ZFYVE26: variants seen among roughly 807,000 people sequenced by gnomAD.
The protein encoded by ZFYVE26 is zinc finger FYVE-type containing 26, also known as zinc finger FYVE domain-containing protein 26.
In ZFYVE26, 181 loss-of-function variants were observed where a neutral mutation model predicts 276.5. The observed-to-expected ratio is 0.65, with a 90% confidence interval of 0.58 to 0.74. ZFYVE26 has a LOEUF of 0.74. ZFYVE26 is among the 30% of genes least tolerant of loss of function. The pLI, the probability that ZFYVE26 is intolerant of heterozygous loss-of-function variation, is 0.00. For synonymous variants in ZFYVE26, 1,129 were observed against 1,203.1 expected (o/e 0.94, Z 1.27); for missense variants, 2,821 against 3,097.9 (o/e 0.91, Z 2.12).
At chr14:67,758,939 T>C (rs1270676957) in intron 35 of ZFYVE26, among the ~76,000 whole-genome samples, 1 of 152,086 alleles carries the variant, frequency 6.6e-6, no homozygotes, top group Non-Finnish European at 1.5e-5. Context: ...CCAACAAATA[T>C]GAATTTTTTA....
chr14:67,733,899 A>G (rs1220709975), intron 13 of ZFYVE26: 1 of 1,391,962 alleles, frequency 7.2e-7, no homozygotes, highest in Middle Eastern at 1.8e-4. Context: ...CATAATGAAC[A>G]GGGACCAAGG....
At chr14:67,810,726 A>G (rs2040282504) in intron 3 of ZFYVE26, among the ~76,000 whole-genome samples, 1 of 152,202 alleles carries the variant, frequency 6.6e-6, no homozygotes, top group Non-Finnish European at 1.5e-5. Context: ...TTTTCCAGAC[A>G]CAAATAAAAA....
chr14:67,810,875 A>AGTGT lies in ZFYVE26; in HGVS notation c.274-1590_274-1587dup, dbSNP rs139434942. Among the ~76,000 whole-genome samples, 546 of 151,706 alleles carry AGTGT rather than the reference A, an allele frequency of 3.6e-3. 2 individuals are homozygous for AGTGT. Among genetic ancestry groups the AGTGT allele is most frequent in the African/African-American group, 0.012 (496 of 41,406 alleles). On this transcript the variant is annotated intron_variant, in intron 3 of 41. Coordinates refer to ENST00000347230, the MANE Select transcript of ZFYVE26 (RefSeq NM_015346.4). The stretch of plus-strand genomic sequence containing the variant: ...ACCTGCAGGGATGTGTGTGTGTGAG[A>AGTGT]GTGTGTGTGTGTGTACAGCTGCAGG...
intron 23 of ZFYVE26, among the ~76,000 whole-genome samples, chr14:67,779,827 T>A (rs1370762722): frequency 6.6e-6 from 1 of 152,184 alleles, no homozygotes; most frequent in Non-Finnish European, 1.5e-5. Flanking sequence ...TCTATACTTA[T>A]CTGGATTTTG....
In ZFYVE26 at chr14:67,755,208, G is replaced by T. The variant is rs777904990; in HGVS notation, c.6829C>A (p.His2277Asn). The T allele has an allele frequency of 5.0e-6, 8 of 1,614,184 alleles. No individual in the cohort carries two copies. Among genetic ancestry groups the T allele is most frequent in the Non-Finnish European group, 5.9e-6 (7 of 1,180,048 alleles). The change falls in exon 37 of 42, where the codon CAC becomes AAC. Residue 2277 changes from histidine to asparagine, a missense_variant. Physicochemically the swap from His to Asn is moderately conservative, Grantham distance 68 (BLOSUM62 1). Coordinates refer to ENST00000347230, the MANE Select transcript of ZFYVE26 (RefSeq NM_015346.4). ...AGTTCTGTATATGACTTTGCTTTGTGACTGAAGAACCGAATACAGGTCATG... is the reference window on the plus strand; with the variant it reads ...AGTTCTGTATATGACTTTGCTTTGTTACTGAAGAACCGAATACAGGTCATG... ...AAMTCIRFFS[H>N]KAKSYTELGE...
chr14:67,789,451 C>A lies in ZFYVE26; in HGVS notation c.2903G>T (p.Ser968Ile), dbSNP rs1269414232. 1.2e-6 allele frequency: 2 copies of A among 1,614,074 alleles called. No homozygotes were observed. The highest frequency in any genetic ancestry group is 1.7e-6 in the Non-Finnish European group (2 of 1,180,038). Residue 968 changes from serine to isoleucine, a missense_variant, in exon 16 of 42, where the codon AGT (serine) becomes ATT (isoleucine). By Grantham distance (142) the Ser-to-Ile change is moderately radical. Transcript: ENST00000347230. ...GTCAAATGCAGCCATGGCAGGGGGA[C>A]TGAGGTCTTCCAGAACCTCTCTCAG... Reference protein sequence around the residue: ...APLREVLEDLSPPAMAAFDLA... With the variant: ...APLREVLEDLIPPAMAAFDLA...
chr14:67,789,798 G>C (rs936146459), intron 15 of ZFYVE26, among the ~76,000 whole-genome samples, 200 bp from the exon 16 acceptor site: 2 of 152,166 alleles, frequency 1.3e-5, no homozygotes, highest in African/African-American at 4.8e-5. Context: ...GACTCAGAGT[G>C]GTCCAGATGA....
chr14:67,786,055 G>C (rs769914527), intron 17 of ZFYVE26, 33 bp from the exon 18 acceptor site: 2 of 1,614,006 alleles, frequency 1.2e-6, no homozygotes, highest in Non-Finnish European at 1.7e-6. Flanking sequence ...AAAAAGTAAA[G>C]TCTGTTGCTG....
downstream of ZFYVE26, among the ~76,000 whole-genome samples, chr14:67,743,001 G>A (rs1467035819): frequency 6.6e-6 from 1 of 151,336 alleles, no homozygotes; most frequent in Non-Finnish European, 1.5e-5. Context: ...CACTATGCCT[G>A]GCTAATTTTC....
intron 25 of ZFYVE26, 80 bp from the exon 26 acceptor site, chr14:67,776,186 G>T: frequency 6.3e-7 from 1 of 1,597,290 alleles, no homozygotes; most frequent in Admixed American, 1.7e-5. Flanking sequence ...ACTGGGAAGG[G>T]GAAGGGTGCA....
rs780308957 is a variant in ZFYVE26 at position 67,793,666 on chromosome 14, G to A, written c.2495C>T (p.Pro832Leu). Residue 832 changes from proline to leucine, a missense_variant, in exon 14 of 42, where the codon CCA (proline) becomes CTA (leucine). Coordinates refer to ENST00000347230, the MANE Select transcript of ZFYVE26 (RefSeq NM_015346.4). ...QSSLIPMMFS[P>L]PESLLASCIL... ...GCAGGATGCCAGCAGTGACTCAGGT[G>A]GGGAGAACATCATGGGGATGAGTGA... The A allele has an allele frequency of 8.1e-6, 13 of 1,613,870 alleles. No individual in the cohort carries two copies. The South Asian group carries it at 1.4e-4, about 18-fold the overall frequency.
At position 67,733,840 on chromosome 14, in the gene ZFYVE26, TG is replaced by T; in HGVS notation, n.2680-4022del. 1.9e-6 allele frequency: 3 copies of T among 1,610,912 alleles called. No homozygotes were observed. Among genetic ancestry groups the T allele is most frequent in the Non-Finnish European group, 2.5e-6 (3 of 1,177,710 alleles). ...CAGCTGTGAGCTTCTAGGAATCCGG[TG>T]GGAGTAGCTGGTGGAAGAGCTGCAG... On this transcript the variant is annotated intron_variant and non_coding_transcript_variant, in intron 13 of 14. Transcript: ENST00000394455.
chr14:67,769,192 A>T (rs2039137632), intron 29 of ZFYVE26, among the ~76,000 whole-genome samples: 1 of 152,244 alleles, frequency 6.6e-6, no homozygotes, highest in Admixed American at 6.5e-5. Flanking sequence ...TACCTAGATC[A>T]GAGTTGATAT....
chr14:67,781,855 A>T (rs1311088664), intron 21 of ZFYVE26, among the ~76,000 whole-genome samples: 1 of 152,180 alleles, frequency 6.6e-6, no homozygotes, highest in Non-Finnish European at 1.5e-5. Flanking sequence ...GGCATGCTGA[A>T]CATATAGGAC....
In ZFYVE26 at chr14:67,807,820, G is replaced by C. The variant is rs758803503; in HGVS notation, c.464C>G (p.Ser155Cys). Residue 155 changes from serine to cysteine, a missense_variant, in exon 5 of 42, where the codon TCT becomes TGT. Coordinates refer to ENST00000347230, the MANE Select transcript of ZFYVE26 (RefSeq NM_015346.4). ...CTGCCTCAGGAGATCCCAGAGCACA[G>C]AGACAGCTTCGGAGCTGAGACGAGG... ...WTPRLSSEAV[S>C]VLWDLLRQSP... is the part of the protein sequence containing the mutation. 3.7e-6 allele frequency: 6 copies of C among 1,614,002 alleles called. No homozygotes were observed. The African/African-American group carries it at 5.3e-5, about 14-fold the overall frequency.
At chr14:67,805,098 T>C (rs903381343) in intron 8 of ZFYVE26, 119 bp downstream of exon 8, 87 of 911,034 alleles carry the variant, frequency 9.5e-5, no homozygotes, top group Admixed American at 2.8e-4. Flanking sequence ...TTTTAGTAGC[T>C]GGTCAACATT....
chr14:67,776,339 A>G (rs140150694), intron 25 of ZFYVE26, among the ~76,000 whole-genome samples: 181 of 152,354 alleles, frequency 1.2e-3, no homozygotes, highest in African/African-American at 4.2e-3. Flanking sequence ...AACTTTTCCT[A>G]TAAAGGATCA....
At chr14:67,731,163 CAT>C (rs370734423) in intron 13 of ZFYVE26, among the ~76,000 whole-genome samples, 3 of 149,798 alleles carry the variant, frequency 2.0e-5, no homozygotes, top group Admixed American at 6.6e-5. Flanking sequence ...TTCAAAATGA[CAT>C]ATGTGGCTCA....
chr14:67,780,135 T>C, intron 23 of ZFYVE26, 106 bp downstream of exon 23: 1 of 1,115,952 alleles, frequency 9.0e-7, no homozygotes, highest in Non-Finnish European at 1.3e-6. Context: ...ATAGTTATTT[T>C]TTTAAAAAGT....
Sources: allele counts gnomAD v4.1 joint callset (sites outside exome capture counted in the v4.1 genomes callset), GRCh38; gene constraint gnomAD v4.1.1; transcripts MANE v1.5; gene names NCBI Gene and HGNC (gene_info 2026-07-23, HGNC 2026-07-21).